The following DYNC2I1 variants were observed in gnomAD, a reference collection of about 807,000 sequenced individuals.
The protein encoded by DYNC2I1 is dynein 2 intermediate chain 1, also known as cytoplasmic dynein 2 intermediate chain 1.
Under a neutral mutation model 133.4 loss-of-function variants are expected in DYNC2I1, and 89 were observed. That is an observed-to-expected ratio of 0.67 (90% CI 0.56 to 0.80). The LOEUF is 0.80. Among genes scored for constraint, DYNC2I1 ranks in the 30% least tolerant of loss-of-function variants. The probability of loss-of-function intolerance (pLI) is 0.00; values close to 1 mark genes in which losing one functional copy is unlikely to be tolerated. For synonymous variants in DYNC2I1, 504 were observed against 484.3 expected (o/e 1.04, Z -0.54); for missense variants, 1,291 against 1,314.5 (o/e 0.98, Z 0.28).
intron 16 of DYNC2I1, 126 bp downstream of exon 16, chr7:158,922,675 CA>C: frequency 4.5e-6 from 4 of 891,942 alleles, no homozygotes; most frequent in Non-Finnish European, 6.7e-6. Context: ...ACTTATGGGC[CA>C]TTCTCTGTCT....
chr7:158,950,891 C>T (rs866285544), downstream of DYNC2I1, among the ~76,000 whole-genome samples: 12 of 131,378 alleles, frequency 9.1e-5, no homozygotes, highest in South Asian at 2.6e-4. Flanking sequence ...AGCCTCTATA[C>T]GATTCCAGGT....
chr7:158,859,136 C>T (rs1841644466), intron 1 of DYNC2I1, among the ~76,000 whole-genome samples: 1 of 149,210 alleles, frequency 6.7e-6, no homozygotes, highest in Non-Finnish European at 1.5e-5. Flanking sequence ...GCTGGGACTA[C>T]AGGTGCGAGC....
At chr7:158,875,415 TG>T in intron 3 of DYNC2I1, among the ~76,000 whole-genome samples, 1 of 152,192 alleles carries the variant, frequency 6.6e-6, no homozygotes, top group Admixed American at 6.5e-5. Context: ...TTTGAATGAA[TG>T]CACTTTGCCT....
intron 1 of DYNC2I1, among the ~76,000 whole-genome samples, chr7:158,868,383 T>C (rs1441526424): frequency 6.6e-6 from 1 of 152,164 alleles, no homozygotes; most frequent in Non-Finnish European, 1.5e-5. Flanking sequence ...AGGACTAAGA[T>C]AGGCCTTCCT....
intron 20 of DYNC2I1, 121 bp from the exon 21 acceptor site, chr7:158,930,334 A>G (rs1391758449): frequency 5.7e-6 from 5 of 881,984 alleles, no homozygotes; most frequent in Non-Finnish European, 7.4e-6. Context: ...ATTGATTTGC[A>G]TTTGATGTTA....
intron 10 of DYNC2I1, 146 bp downstream of exon 10, chr7:158,902,741 C>G (rs1846372596): frequency 1.4e-6 from 1 of 704,884 alleles, no homozygotes; most frequent in East Asian, 2.7e-5. Flanking sequence ...CATGCCCTTG[C>G]AGCTACCACA....
intron 11 of DYNC2I1, 102 bp downstream of exon 11, chr7:158,906,193 T>A: frequency 9.9e-7 from 1 of 1,012,252 alleles, no homozygotes; most frequent in Non-Finnish European, 1.5e-6. Flanking sequence ...TTTTTACTAC[T>A]GTTTTTTGGG....
At chr7:158,878,266 A>G (rs1323850300) in intron 4 of DYNC2I1, among the ~76,000 whole-genome samples, 586 of 49,738 alleles carry the variant, frequency 0.012, no homozygotes, top group East Asian at 0.016. Flanking sequence ...TGCCATGTGG[A>G]GAGGCCAGGA....
chr7:158,912,523 A>G (rs947063498), intron 12 of DYNC2I1, among the ~76,000 whole-genome samples: 4 of 152,134 alleles, frequency 2.6e-5, no homozygotes, highest in African/African-American at 9.7e-5. Flanking sequence ...CAGTAGCAAG[A>G]TCATATCTCA....
rs1462828275 is a variant in DYNC2I1 at position 158,941,924 on chromosome 7, G to C, written c.2779-1G>C. ...GCAGTGTTCTTTCTTCCTGGTCATA[G>C]GCCGGCTGTTCGGACGGAAGCATCA... On this transcript the variant is annotated splice_acceptor_variant, in intron 23 of 24. Transcript: ENST00000407559. LOFTEE classifies it high-confidence loss of function. 2 of 1,597,020 alleles carry C rather than the reference G, an allele frequency of 1.3e-6. No homozygotes were observed. Among genetic ancestry groups the C allele is most frequent in the African/African-American group, 2.7e-5 (2 of 74,530 alleles).
chr7:158,936,675 G>C (rs1850789229), intron 23 of DYNC2I1, among the ~76,000 whole-genome samples: 2 of 152,242 alleles, frequency 1.3e-5, no homozygotes, highest in African/African-American at 4.8e-5. Context: ...CTCAGCCAAA[G>C]GAGGCACTCA....
intron 2 of DYNC2I1, among the ~76,000 whole-genome samples, chr7:158,870,688 G>A (rs1414964653): frequency 1.3e-5 from 2 of 151,614 alleles, no homozygotes; most frequent in Non-Finnish European, 2.9e-5. Flanking sequence ...TATTTTTTTT[G>A]AATTTTACTT....
intron 1 of DYNC2I1, among the ~76,000 whole-genome samples, chr7:158,866,197 G>T (rs1279946894): frequency 6.6e-6 from 1 of 152,052 alleles, no homozygotes; most frequent in Non-Finnish European, 1.5e-5. Context: ...TCCCCTGAAT[G>T]TCCTCAGCGT....
intron 4 of DYNC2I1, among the ~76,000 whole-genome samples, chr7:158,877,728 T>A (rs1843501778): frequency 6.6e-6 from 1 of 152,174 alleles, no homozygotes; most frequent in Non-Finnish European, 1.5e-5. Flanking sequence ...AGAGACAGGG[T>A]CTTGCTCTGT....
chr7:158,930,578 G>A (rs951446532), intron 21 of DYNC2I1, 63 bp downstream of exon 21: 11 of 1,383,968 alleles, frequency 7.9e-6, no homozygotes, highest in Non-Finnish European at 1.1e-5. Context: ...TAACATTGGG[G>A]AATTGCATAT....
intron 8 of DYNC2I1, among the ~76,000 whole-genome samples, chr7:158,895,076 C>T (rs1220928352): frequency 6.6e-6 from 1 of 152,154 alleles, no homozygotes; most frequent in Non-Finnish European, 1.5e-5. Flanking sequence ...TTGTCTTTTG[C>T]AAATATTTTC....
chr7:158,947,859 G>A (rs1012412161), downstream of DYNC2I1, among the ~76,000 whole-genome samples: 4 of 152,244 alleles, frequency 2.6e-5, no homozygotes, highest in Admixed American at 2.6e-4. Context: ...GCCATTGGGC[G>A]GCTTCTGCCC....
intron 7 of DYNC2I1, among the ~76,000 whole-genome samples, chr7:158,889,770 G>A (rs960245481): frequency 6.6e-6 from 1 of 151,960 alleles, no homozygotes; most frequent in Non-Finnish European, 1.5e-5. Flanking sequence ...TTGGGAGGCC[G>A]AGGCAGGGGG....
chr7:158,951,304 C>T (rs527991063), intron 4 of DYNC2I1, among the ~76,000 whole-genome samples: 2 of 152,328 alleles, frequency 1.3e-5, no homozygotes, highest in South Asian at 4.1e-4. Flanking sequence ...TTTCCTTCTA[C>T]TTGGCAGGGA....
Sources: allele counts gnomAD v4.1 joint callset (sites outside exome capture counted in the v4.1 genomes callset), GRCh38; gene constraint gnomAD v4.1.1; transcripts MANE v1.5; gene names NCBI Gene and HGNC (gene_info 2026-07-23, HGNC 2026-07-21).